Variants in TSPAN15 observed in about 807,000 individuals in gnomAD.
TSPAN15 encodes the protein tetraspanin-15.
TSPAN15 carries 20 observed loss-of-function variants against 34.5 expected under a neutral mutation model. The ratio of observed to expected loss-of-function variants is 0.58; its 90% CI spans 0.41 to 0.84. The LOEUF (loss-of-function observed/expected upper bound fraction) is 0.84. Among genes scored for constraint, TSPAN15 ranks in the 40% least tolerant of loss-of-function variants. The probability of loss-of-function intolerance (pLI) is 0.00; values close to 1 mark genes in which losing one functional copy is unlikely to be tolerated. For synonymous variants in TSPAN15, 155 were observed against 153.9 expected, an observed-to-expected ratio of 1.01 and a Z score of -0.05; for missense variants, 313 against 386.1, an observed-to-expected ratio of 0.81 and a Z score of 1.59.
the TSPAN15 span, among the ~76,000 whole-genome samples, chr10:69,514,625 T>TA: frequency 2.6e-5 from 4 of 152,272 alleles, no homozygotes; most frequent in Non-Finnish European, 5.9e-5. Flanking sequence ...CTTATTGACA[T>TA]AAAGTTGTTC....
the TSPAN15 span, among the ~76,000 whole-genome samples, chr10:69,546,143 G>A: frequency 6.6e-6 from 1 of 152,074 alleles, no homozygotes; most frequent in African/African-American, 2.4e-5. Flanking sequence ...TTGGCTTCCA[G>A]AACTCCACTC....
chr10:69,512,664 A>G (rs990275213), downstream of TSPAN15, among the ~76,000 whole-genome samples: 1 of 152,188 alleles, frequency 6.6e-6, no homozygotes, highest in Non-Finnish European at 1.5e-5. Flanking sequence ...ATTTTCTAAA[A>G]TGTTATATAG....
rs3028371 is a variant in TSPAN15, at chr10:69,496,320, CAATAATAATAATAATAAT to C, written c.453+665_453+682del. On this transcript the variant is annotated intron_variant, in intron 4 of 7. Coordinates refer to ENST00000373290, the MANE Select transcript of TSPAN15 (RefSeq NM_012339.5). ...CTAGGTCCACCCAAATCTGTTGGTG[CAATAATAATAATAATAAT>C]AATAATAATAATAATAATAATAATA... Among the ~76,000 whole-genome samples the C allele has an allele frequency of 6.0e-4, 80 of 132,500 alleles. 1 individual carries two copies. Among genetic ancestry groups the C allele is most frequent in the South Asian group, 1.6e-3 (6 of 3,794 alleles). 86.9% of individuals were successfully genotyped at this position (132,500 alleles called of 152,430 possible). A position where few individuals can be genotyped will look rare whatever the true frequency, so the allele number is the denominator to read the frequency against.
intron 3 of TSPAN15, among the ~76,000 whole-genome samples, chr10:69,487,600 G>A (rs923729490): frequency 3.9e-5 from 6 of 152,224 alleles, no homozygotes; most frequent in Non-Finnish European, 5.9e-5. Flanking sequence ...CAGCGTCCAC[G>A]GCCTTCATAA....
chr10:69,507,702 C>A, downstream of TSPAN15: 2 of 1,169,300 alleles, frequency 1.7e-6, no homozygotes, highest in South Asian at 3.0e-5. Flanking sequence ...TTTGTTGGGG[C>A]GGGGGTAAGG....
intron 1 of TSPAN15, among the ~76,000 whole-genome samples, chr10:69,456,749 C>T (rs1841119533): frequency 6.6e-6 from 1 of 152,196 alleles, no homozygotes; most frequent in Non-Finnish European, 1.5e-5. Context: ...AGACCCGCTC[C>T]TTGATGCAAT....
the TSPAN15 span, among the ~76,000 whole-genome samples, chr10:69,543,479 C>T: frequency 6.6e-6 from 1 of 152,160 alleles, no homozygotes; most frequent in African/African-American, 2.4e-5. Context: ...GTGGTGACAA[C>T]AGCAGTCCAA....
At chr10:69,501,760 C>G (rs528165969) in intron 5 of TSPAN15, among the ~76,000 whole-genome samples, 12 of 152,278 alleles carry the variant, frequency 7.9e-5, no homozygotes, top group South Asian at 2.1e-4. Context: ...TGTTAGGAAC[C>G]AGGTCGCACA....
chr10:69,524,777 A>G, the TSPAN15 span, among the ~76,000 whole-genome samples: 1 of 121,260 alleles, frequency 8.2e-6, no homozygotes, highest in African/African-American at 3.2e-5. Context: ...ATATATATAT[A>G]TGCATCTTTT....
At chr10:69,531,159 G>A in the TSPAN15 span, among the ~76,000 whole-genome samples, 1 of 146,750 alleles carries the variant, frequency 6.8e-6, no homozygotes, top group African/African-American at 2.5e-5. Flanking sequence ...AAGCAAGCAA[G>A]CCACTATATT....
intron 3 of TSPAN15, chr10:69,494,923 C>T (rs577538077): frequency 1.9e-3 from 1,811 of 949,582 alleles, no homozygotes; most frequent in Non-Finnish European, 2.2e-3. Flanking sequence ...ATCCAGAAAG[C>T]GCAGCGTGAC....
chr10:69,534,838 G>T, the TSPAN15 span, among the ~76,000 whole-genome samples: 2 of 116,406 alleles, frequency 1.7e-5, no homozygotes, highest in East Asian at 5.6e-4. Context: ...AAAAAAAAAA[G>T]CAGGGTATGG....
the TSPAN15 span, among the ~76,000 whole-genome samples, chr10:69,539,570 A>C: frequency 9.3e-5 from 14 of 150,826 alleles, no homozygotes; most frequent in African/African-American, 2.4e-4. Context: ...AAGGAGAAGA[A>C]GACTCAGCCC....
At position 69,506,708 on chromosome 10, in the gene TSPAN15, C is replaced by G. The variant is rs2133169367; in HGVS notation, c.736-121C>G. The G allele has an allele frequency of 1.0e-6, 1 of 991,846 alleles. No individual in the cohort carries two copies. The highest frequency in any genetic ancestry group is 2.6e-5 in the East Asian group (1 of 38,108). The allele number at this position is 991,846 out of a possible 1,614,324, so 61.4% of individuals were successfully genotyped here. A position where few individuals can be genotyped will look rare whatever the true frequency, so the allele number is the denominator to read the frequency against. ...AGAAGTCTCTGCTGTGGGTGTTGCC[C>G]AGGTCACACAGGACCATGAGGGCTT... On this transcript the variant is annotated intron_variant, in intron 7 of 7. Coordinates refer to ENST00000373290, the MANE Select transcript of TSPAN15 (RefSeq NM_012339.5). The surrounding 1 kb of genome is among the most constrained non-coding windows in gnomAD (Gnocchi z 4.7).
chr10:69,469,352 G>A (rs10998809), intron 1 of TSPAN15, among the ~76,000 whole-genome samples: 9,604 of 152,226 alleles, frequency 0.063, 1,021 homozygotes, highest in African/African-American at 0.22. Context: ...TGAGCCATTC[G>A]CGCAAATTAT....
At chr10:69,487,141 C>T (rs1168662394) in intron 3 of TSPAN15, among the ~76,000 whole-genome samples, 1 of 150,814 alleles carries the variant, frequency 6.6e-6, no homozygotes. Context: ...GCCAACTAAA[C>T]AGACTCCTGG....
intron 1 of TSPAN15, among the ~76,000 whole-genome samples, chr10:69,458,249 C>T (rs1211917620): frequency 7.2e-6 from 1 of 137,936 alleles, no homozygotes; most frequent in East Asian, 2.0e-4. Context: ...TCTCTGGAGA[C>T]AGTTTCCAGG....
chr10:69,542,637 A>G, the TSPAN15 span, among the ~76,000 whole-genome samples: 1 of 152,200 alleles, frequency 6.6e-6, no homozygotes, highest in African/African-American at 2.4e-5. Context: ...TGGCAGCAGG[A>G]AGGAGAAGAA....
At chr10:69,522,610 C>G in the TSPAN15 span, among the ~76,000 whole-genome samples, 4 of 146,990 alleles carry the variant, frequency 2.7e-5, no homozygotes, top group South Asian at 8.6e-4. Context: ...GCATTTCCAC[C>G]TGAGCTCTGC....
Sources: gnomAD v4.1 joint callset for allele counts (sites outside exome capture counted in the v4.1 genomes callset) on GRCh38, gnomAD v4.1.1 for gene constraint, Gnocchi (gnomAD v3.1) non-coding constraint, MANE v1.5 for transcripts, NCBI Gene and HGNC (gene_info 2026-07-23, HGNC 2026-07-21) for gene names.